The following GABRR1 variants were observed in gnomAD, a reference collection of about 807,000 sequenced individuals.
GABRR1 encodes gamma-aminobutyric acid receptor subunit rho-1.
GABRR1 carries 59 observed loss-of-function variants against 55.5 expected under a neutral mutation model. That is an observed-to-expected ratio of 1.06 (90% CI 0.86 to 1.32). The LOEUF is 1.32. Ranked by LOEUF, GABRR1 falls within the 40% of genes most tolerant of loss-of-function variation. The probability of loss-of-function intolerance (pLI) is 0.00; values close to 1 mark genes in which losing one functional copy is unlikely to be tolerated. For synonymous variants in GABRR1, 213 were observed against 226.0 expected (o/e 0.94, Z 0.51); for missense variants, 602 against 619.1 (o/e 0.97, Z 0.29).
chr6:89,192,209 T>C (rs2127795137), intron 5 of GABRR1, among the ~76,000 whole-genome samples: 1 of 152,200 alleles, frequency 6.6e-6, no homozygotes, highest in Admixed American at 6.5e-5. Context: ...TGGAAGCTGA[T>C]ACTTTCTTTC....
At chr6:89,225,092 T>C (rs970568189) in intron 1 of GABRR1, among the ~76,000 whole-genome samples, 4 of 152,172 alleles carry the variant, frequency 2.6e-5, no homozygotes, top group African/African-American at 4.8e-5. Flanking sequence ...TCTTCTAGAA[T>C]TTTTACAGTT....
chr6:89,196,663 G>A (rs1396215216), intron 5 of GABRR1, among the ~76,000 whole-genome samples: 1 of 152,014 alleles, frequency 6.6e-6, no homozygotes, highest in Non-Finnish European at 1.5e-5. Context: ...TTTGGTCCCA[G>A]CCACTTGGGA....
upstream of GABRR1, among the ~76,000 whole-genome samples, chr6:89,220,893 T>C (rs1268190834): frequency 6.6e-6 from 1 of 152,108 alleles, no homozygotes; most frequent in East Asian, 1.9e-4. Context: ...GCTAATTTTG[T>C]ATTTTTAGTA....
chr6:89,194,528 T>C (rs1012374833), intron 5 of GABRR1, among the ~76,000 whole-genome samples: 2 of 152,038 alleles, frequency 1.3e-5, no homozygotes, highest in Non-Finnish European at 2.9e-5. Context: ...AATTAGGACC[T>C]CCCCAAAAGG....
intron 6 of GABRR1, among the ~76,000 whole-genome samples, chr6:89,185,952 C>A (rs1437659043): frequency 6.6e-6 from 1 of 151,696 alleles, no homozygotes; most frequent in African/African-American, 2.4e-5. Context: ...GGGAGTGGAA[C>A]AAGTCCCTCT....
chr6:89,178,799 T>C lies in GABRR1; in HGVS notation c.1411A>G (p.Asn471Asp). ...GAGAAAATAGACCAGTATATTAAATTGAATAAAATGTATGCTGCTGGAAAG... is the reference window on the plus strand; with the variant it reads ...GAGAAAATAGACCAGTATATTAAATCGAATAAAATGTATGCTGCTGGAAAG... ...IIFPAAYILF[N>D]LIYWSIFS The change falls in exon 10 of 10, where the codon AAT (asparagine) becomes GAT (aspartate). Residue 471 changes from asparagine (N) to aspartate (D), a missense_variant. Physicochemically the swap from Asn to Asp is conservative, Grantham distance 23. Around this residue, in one of 3 missense-constraint regions of GABRR1, gnomAD observed 139 missense variants for 141.1 expected, o/e 0.99. Coordinates refer to ENST00000454853, the MANE Select transcript of GABRR1 (RefSeq NM_002042.5). 1 of 1,614,044 alleles carries C rather than the reference T, an allele frequency of 6.2e-7. No homozygotes were observed. Among genetic ancestry groups the C allele is most frequent in the East Asian group, 2.2e-5 (1 of 44,888 alleles).
At chr6:89,208,809 C>T (rs774006090) in intron 1 of GABRR1, among the ~76,000 whole-genome samples, 1 of 152,224 alleles carries the variant, frequency 6.6e-6, no homozygotes, top group South Asian at 2.1e-4. Context: ...CCTCTGGAGA[C>T]CCCTGACTGA....
At chr6:89,179,697 TGC>T (rs1486737029) in intron 9 of GABRR1, among the ~76,000 whole-genome samples, 1 of 152,190 alleles carries the variant, frequency 6.6e-6, no homozygotes, top group African/African-American at 2.4e-5. Flanking sequence ...TACAAGTGTG[TGC>T]ATGAACGTGT....
At chr6:89,182,721 A>G (rs1431599428) in intron 7 of GABRR1, among the ~76,000 whole-genome samples, 1 of 152,014 alleles carries the variant, frequency 6.6e-6, no homozygotes, top group African/African-American at 2.4e-5. Flanking sequence ...TCCATTTAAC[A>G]ATATTCTCAG....
chr6:89,225,638 C>A (rs1291368281), intron 1 of GABRR1, among the ~76,000 whole-genome samples: 1 of 121,068 alleles, frequency 8.3e-6, no homozygotes, highest in African/African-American at 3.3e-5. Context: ...TGTATATGTG[C>A]CACATTTTCT....
At chr6:89,180,173 G>T in intron 9 of GABRR1, 119 bp downstream of exon 9, 1 of 1,038,386 alleles carries the variant, frequency 9.6e-7, no homozygotes, top group South Asian at 1.9e-5. Context: ...ACCCTGTGAA[G>T]TAGGCACAGG....
intron 7 of GABRR1, among the ~76,000 whole-genome samples, chr6:89,184,886 T>TTTC (rs1554189705): frequency 2.4e-5 from 1 of 42,476 alleles, no homozygotes. Flanking sequence ...CTTTTCTTTC[T>TTTC]TTTTTTTTTT....
chr6:89,180,001 T>C (rs1771666761), intron 9 of GABRR1, among the ~76,000 whole-genome samples: 2 of 152,154 alleles, frequency 1.3e-5, no homozygotes, highest in African/African-American at 4.8e-5. Context: ...TGGGATTCCC[T>C]CACTAAACTA....
In GABRR1 at chr6:89,178,577, A is replaced by T. The variant is rs545269843; in HGVS notation, c.*193T>A. On this transcript the variant is annotated 3_prime_UTR_variant, in exon 10 of 10. Transcript: ENST00000454853. ...CCTAATATAATGCTGTGTATTCAATAGATGGTTAATAAGTGCAAATTAAAC... is the reference window on the plus strand; with the variant it reads ...CCTAATATAATGCTGTGTATTCAATTGATGGTTAATAAGTGCAAATTAAAC... 1.7e-6 allele frequency: 1 copy of T among 598,438 alleles called. No homozygotes were observed. The highest frequency in any genetic ancestry group is 2.9e-6 in the Non-Finnish European group (1 of 339,096). 37.1% of individuals were successfully genotyped at this position (598,438 alleles called of 1,614,324 possible). A position where few individuals can be genotyped will look rare whatever the true frequency, so the allele number is the denominator to read the frequency against.
At chr6:89,205,902 C>G (rs566361435) in intron 1 of GABRR1, among the ~76,000 whole-genome samples, 3 of 151,830 alleles carry the variant, frequency 2.0e-5, no homozygotes, top group Admixed American at 1.3e-4. Context: ...CCCCGCCCCC[C>G]CATCTCTCAC....
At chr6:89,225,371 G>A (rs1323531290) in intron 1 of GABRR1, among the ~76,000 whole-genome samples, 27 of 135,054 alleles carry the variant, frequency 2.0e-4, no homozygotes, top group African/African-American at 5.6e-4. Flanking sequence ...CCACTAACTC[G>A]TCATCTAGCA....
intron 1 of GABRR1, among the ~76,000 whole-genome samples, chr6:89,208,202 A>G (rs1441022001): frequency 6.6e-6 from 1 of 152,230 alleles, no homozygotes; most frequent in Admixed American, 6.5e-5. Flanking sequence ...ACTTTCATTA[A>G]TTTAATGAGC....
chr6:89,209,368 G>T (rs1293831662), intron 1 of GABRR1, among the ~76,000 whole-genome samples: 1 of 152,022 alleles, frequency 6.6e-6, no homozygotes, highest in African/African-American at 2.4e-5. Context: ...TTTCTAACTT[G>T]TAGATATCTA....
chr6:89,206,002 A>G (rs886312298), intron 1 of GABRR1, among the ~76,000 whole-genome samples: 1 of 151,010 alleles, frequency 6.6e-6, no homozygotes, highest in Non-Finnish European at 1.5e-5. Context: ...TGATGTGCAT[A>G]AAGGCCACGA....
Sources: gnomAD v4.1 joint callset for allele counts (sites outside exome capture counted in the v4.1 genomes callset) on GRCh38, gnomAD v4.1.1 for gene constraint, gnomAD v4.1.1 regional missense constraint, MANE v1.5 for transcripts, NCBI Gene and HGNC (gene_info 2026-07-23, HGNC 2026-07-21) for gene names.